Variants in DCC observed in about 807,000 individuals in gnomAD.
DCC encodes the protein netrin receptor DCC.
Under a neutral mutation model 172.5 loss-of-function variants are expected in DCC, and 58 were observed. The observed-to-expected ratio is 0.34, with a 90% CI of 0.27 to 0.42. The LOEUF (loss-of-function observed/expected upper bound fraction) is 0.42. Among genes scored for constraint, DCC ranks in the 10% least tolerant of loss-of-function variants. The pLI is 1.00. For missense variants in DCC, 1,740 were observed against 1,791.0 expected, an observed-to-expected ratio of 0.97 and a Z score of 0.51; for synonymous variants, 709 against 644.5, an observed-to-expected ratio of 1.10 and a Z score of -1.52.
intron 1 of DCC, among the ~76,000 whole-genome samples, chr18:52,512,914 A>G (rs1272077478): frequency 6.6e-6 from 1 of 152,184 alleles, no homozygotes. Context: ...TTATTCATTC[A>G]AGAAATATTA....
rs559691394 is a variant in DCC at position 52,570,231 on chromosome 18, G to A, written c.92-181823G>A. On this transcript the variant is annotated intron_variant, in intron 1 of 28. Transcript: ENST00000442544. ...GTAATTACACACATTCTGCCTATTGGATTATCTGCTGTGGCTTGCTTGATG... is the reference window on the plus strand; with the variant it reads ...GTAATTACACACATTCTGCCTATTGAATTATCTGCTGTGGCTTGCTTGATG... Among the ~76,000 whole-genome samples the A allele has an allele frequency of 2.0e-5, 3 of 152,272 alleles. No individual in the cohort carries two copies. In the South Asian group the frequency reaches 6.2e-4, roughly 32 times the overall value.
chr18:52,694,502 C>T (rs560083719), intron 1 of DCC, among the ~76,000 whole-genome samples: 10 of 152,118 alleles, frequency 6.6e-5, no homozygotes, highest in Non-Finnish European at 1.2e-4. Context: ...TATAACCCAG[C>T]AGGGTCTCAA....
chr18:53,326,940 A>C (rs1449766209), intron 14 of DCC, among the ~76,000 whole-genome samples: 1 of 152,032 alleles, frequency 6.6e-6, no homozygotes, highest in Non-Finnish European at 1.5e-5. Flanking sequence ...TGTATAACTT[A>C]CCCCCCTGCT....
At chr18:53,381,325 A>G (rs1022673940) in intron 15 of DCC, among the ~76,000 whole-genome samples, 2 of 152,088 alleles carry the variant, frequency 1.3e-5, no homozygotes, top group Non-Finnish European at 2.9e-5. Flanking sequence ...CTATGGAGCT[A>G]TAAATTAAGC....
chr18:53,137,482 T>G (rs750052625), intron 7 of DCC, among the ~76,000 whole-genome samples: 6 of 152,352 alleles, frequency 3.9e-5, no homozygotes, highest in Non-Finnish European at 5.9e-5. Flanking sequence ...GAAGCTCTTC[T>G]TTCAGTCTGC....
At chr18:52,688,602 T>A (rs1165523140) in intron 1 of DCC, among the ~76,000 whole-genome samples, 1 of 152,010 alleles carries the variant, frequency 6.6e-6, no homozygotes, top group Non-Finnish European at 1.5e-5. Flanking sequence ...GCCCTATATA[T>A]GAGATTAATG....
At chr18:52,438,145 G>T (rs1344242055) in intron 1 of DCC, among the ~76,000 whole-genome samples, 1 of 152,108 alleles carries the variant, frequency 6.6e-6, no homozygotes, top group Non-Finnish European at 1.5e-5. Context: ...TTACTGATTG[G>T]CAGCTTGCTC....
intron 9 of DCC, among the ~76,000 whole-genome samples, chr18:53,196,369 A>C (rs542021257): frequency 1.8e-4 from 27 of 152,302 alleles, no homozygotes; most frequent in African/African-American, 6.0e-4. Flanking sequence ...AGTAAAATTC[A>C]AAAAGCTCTA....
chr18:53,078,516 C>T (rs1333166150), intron 7 of DCC, among the ~76,000 whole-genome samples: 1 of 151,962 alleles, frequency 6.6e-6, no homozygotes, highest in Non-Finnish European at 1.5e-5. Flanking sequence ...AATGACAAAG[C>T]TTCTATTGTA....
At chr18:52,879,019 C>T (rs2039441955) in intron 2 of DCC, among the ~76,000 whole-genome samples, 1 of 152,022 alleles carries the variant, frequency 6.6e-6, no homozygotes, top group Non-Finnish European at 1.5e-5. Context: ...GTATTGATTG[C>T]AATTTTGGGG....
intron 5 of DCC, among the ~76,000 whole-genome samples, chr18:52,953,000 CAAAAAAAAAAAAAAA>C (rs11315976): frequency 5.7e-5 from 3 of 52,218 alleles, no homozygotes; most frequent in Non-Finnish European, 9.5e-5. Context: ...TCTCCTGTCT[CAAAAAAAAAAAAAAA>C]AAAAAAAAAA....
intron 12 of DCC, among the ~76,000 whole-genome samples, chr18:53,275,264 A>G (rs2056792050): frequency 6.6e-6 from 1 of 152,128 alleles, no homozygotes; most frequent in African/African-American, 2.4e-5. Context: ...GCTTAAGGCT[A>G]TTACTGCTTT....
At chr18:52,381,182 G>C (rs1254469999) in intron 1 of DCC, among the ~76,000 whole-genome samples, 2 of 152,098 alleles carry the variant, frequency 1.3e-5, no homozygotes, top group Non-Finnish European at 2.9e-5. Flanking sequence ...TTGAACTATA[G>C]TGATATCACT....
chr18:53,483,235 TTATA>T (rs1364847689), intron 25 of DCC, among the ~76,000 whole-genome samples: 1 of 151,996 alleles, frequency 6.6e-6, no homozygotes, highest in Non-Finnish European at 1.5e-5. Context: ...GTTTACGTGT[TTATA>T]TATCCATAAT....
chr18:53,052,386 C>T (rs1162680588), intron 5 of DCC, among the ~76,000 whole-genome samples: 7 of 152,072 alleles, frequency 4.6e-5, no homozygotes, highest in Non-Finnish European at 2.9e-5. Context: ...TCTTCTCTTC[C>T]TCCCTCCCCA....
rs182190283 is a variant in DCC at position 52,445,335 on chromosome 18, A to G, written c.91+104457A>G. ...ATGTAGGTTTTGGAACAGCAGGCGT[A>G]TTACCAATGATATTTGATTTTCCAA... On this transcript the variant is annotated intron_variant, in intron 1 of 28. Transcript: ENST00000442544. Among the ~76,000 whole-genome samples, 305 of 152,302 alleles carry G rather than the reference A, an allele frequency of 2.0e-3. 4 individuals are homozygous for G. The highest frequency in any genetic ancestry group is 6.9e-3 in the African/African-American group (287 of 41,574).
chr18:52,708,002 A>C (rs1458232954), intron 1 of DCC, among the ~76,000 whole-genome samples: 1 of 152,204 alleles, frequency 6.6e-6, no homozygotes, highest in Non-Finnish European at 1.5e-5. Flanking sequence ...GGTAGATTTT[A>C]AGTGTTTTCA....
intron 2 of DCC, among the ~76,000 whole-genome samples, chr18:52,825,398 C>G (rs10048233): frequency 6.6e-6 from 1 of 152,178 alleles, no homozygotes; most frequent in Non-Finnish European, 1.5e-5. Context: ...AATTAAGCAA[C>G]TCCTATTCCT....
At chr18:52,880,446 G>A (rs754459434) in intron 2 of DCC, among the ~76,000 whole-genome samples, 1 of 152,124 alleles carries the variant, frequency 6.6e-6, no homozygotes, top group Non-Finnish European at 1.5e-5. Context: ...ACCTTGCCCG[G>A]CCTTATTCAT....
Sources: allele counts gnomAD v4.1 joint callset (sites outside exome capture counted in the v4.1 genomes callset), GRCh38; gene constraint gnomAD v4.1.1; transcripts MANE v1.5; gene names NCBI Gene and HGNC (gene_info 2026-07-23, HGNC 2026-07-21).